TREM1: variants seen among roughly 807,000 people sequenced by gnomAD.
TREM1 encodes the protein triggering receptor expressed on myeloid cells 1.
Under a neutral mutation model 22.4 loss-of-function variants are expected in TREM1, and 16 were observed. The observed-to-expected ratio is 0.71, with a 90% confidence interval of 0.48 to 1.08. The LOEUF (loss-of-function observed/expected upper bound fraction) is 1.08, where lower values mean the gene tolerates loss of function less well. TREM1 is among the 50% of genes least tolerant of loss of function. The probability of loss-of-function intolerance (pLI) is 0.00; values close to 1 mark genes in which losing one functional copy is unlikely to be tolerated. For missense variants in TREM1, 283 were observed against 282.9 expected, an observed-to-expected ratio of 1.00 and a Z score of 0.00; for synonymous variants, 110 against 111.6, an observed-to-expected ratio of 0.99 and a Z score of 0.09.
In TREM1 at chr6:41,274,743, G is replaced by T. The variant is rs1239694795; in HGVS notation, c.*1382C>A. ...AGGTTCTGACAGAGCAGCATTTAGG[G>T]GAATGGGGAAGTCCTTATGCGATGG... On this transcript the variant is annotated 3_prime_UTR_variant, in exon 4 of 4. Transcript: ENST00000244709. Among the ~76,000 whole-genome samples the T allele has an allele frequency of 1.3e-5, 2 of 152,122 alleles. No individual in the cohort carries two copies. Among genetic ancestry groups the T allele is most frequent in the Non-Finnish European group, 2.9e-5 (2 of 68,020 alleles).
rs1767641364 is a variant in TREM1, at chr6:41,275,810, C to A, written c.*315G>T. 8.1e-6 allele frequency: 3 copies of A among 370,206 alleles called. No individual in the cohort carries two copies. The highest frequency in any genetic ancestry group is 5.9e-5 in the East Asian group (1 of 16,890). 22.9% of individuals were successfully genotyped at this position (370,206 alleles called of 1,614,324 possible). On this transcript the variant is annotated 3_prime_UTR_variant, in exon 4 of 4. Transcript: ENST00000244709. ...CAGGTGTGCCTTCTGCATGTCACAG[C>A]CCCCACAAGAGAATTACGGTGAAAA...
downstream of TREM1, among the ~76,000 whole-genome samples, chr6:41,273,516 T>C (rs1581622478): frequency 6.6e-6 from 1 of 152,284 alleles, no homozygotes; most frequent in East Asian, 1.9e-4. Context: ...TTCAAACCCA[T>C]ACATGGTTTT....
chr6:41,268,654 G>A (rs1346536232), downstream of TREM1, among the ~76,000 whole-genome samples: 1 of 152,180 alleles, frequency 6.6e-6, no homozygotes, highest in Non-Finnish European at 1.5e-5. Context: ...AAAGGGTGAG[G>A]CACTTCCCCA....
At chr6:41,279,973 C>A (rs1343288769) in intron 3 of TREM1, 3 of 978,132 alleles carry the variant, frequency 3.1e-6, no homozygotes, top group Non-Finnish European at 3.6e-6. Context: ...TAAGAACAGG[C>A]CAATGGTTAT....
intron 3 of TREM1, among the ~76,000 whole-genome samples, chr6:41,268,564 G>C (rs1019869207): frequency 1.3e-5 from 2 of 152,092 alleles, no homozygotes; most frequent in Admixed American, 1.3e-4. Flanking sequence ...ACTCAATAAA[G>C]ATCAACAAAC....
downstream of TREM1, chr6:41,270,301 C>T (rs1767441681): frequency 6.6e-6 from 1 of 152,356 alleles, no homozygotes. Context: ...AACCTCAGAC[C>T]ACAACACAGA....
chr6:41,280,934 A>AG (rs778899324), intron 3 of TREM1, 27 bp downstream of exon 3: 2 of 1,613,998 alleles, frequency 1.2e-6, no homozygotes, highest in Non-Finnish European at 1.7e-6. Context: ...TGTCCAAACC[A>AG]GGGGCCCAGG....
downstream of TREM1, among the ~76,000 whole-genome samples, chr6:41,271,826 T>G (rs1007062190): frequency 1.3e-5 from 2 of 152,144 alleles, no homozygotes; most frequent in African/African-American, 4.8e-5. Context: ...ATCCCAAAGA[T>G]ATAAGAGGAA....
downstream of TREM1, among the ~76,000 whole-genome samples, chr6:41,270,721 T>C (rs1029707656): frequency 2.6e-5 from 4 of 152,180 alleles, no homozygotes; most frequent in Admixed American, 6.5e-5. Context: ...TTTTTGTCTT[T>C]GTTTTTTGAG....
intron 3 of TREM1, among the ~76,000 whole-genome samples, chr6:41,277,513 A>G (rs1453449627): frequency 5.9e-5 from 9 of 151,720 alleles, no homozygotes; most frequent in Admixed American, 5.9e-4. Flanking sequence ...TGCTCACTGC[A>G]CCTCCTCCCC....
exon 4 of TREM1, chr6:41,267,957 T>C (rs913042196): frequency 5.0e-6 from 2 of 398,540 alleles, no homozygotes; most frequent in Non-Finnish European, 8.8e-6. Flanking sequence ...TTTTCCTTTA[T>C]AACATGAATG....
intron 1 of TREM1, 76 bp from the exon 2 acceptor site, chr6:41,282,827 C>A (rs1767993655): frequency 1.9e-5 from 26 of 1,353,820 alleles, no homozygotes; most frequent in Non-Finnish European, 2.5e-5. Flanking sequence ...GGAGAGGAGC[C>A]CCCTGTTTTT....
intron 3 of TREM1, among the ~76,000 whole-genome samples, chr6:41,276,506 G>A (rs1220401133): frequency 1.3e-5 from 2 of 152,100 alleles, no homozygotes; most frequent in Non-Finnish European, 2.9e-5. Context: ...GATGTGGTAG[G>A]GAGAGAGGAC....
chr6:41,279,806 C>T (rs1767832897), intron 3 of TREM1: 8 of 985,302 alleles, frequency 8.1e-6, no homozygotes, highest in Non-Finnish European at 8.4e-6. Flanking sequence ...AAATTGTTTC[C>T]AATCTTTTGG....
At chr6:41,285,805 T>A (rs1353663399) in intron 1 of TREM1, among the ~76,000 whole-genome samples, 3 of 152,330 alleles carry the variant, frequency 2.0e-5, no homozygotes, top group Non-Finnish European at 4.4e-5. Context: ...CAGAGCAATG[T>A]CTGAGCACAG....
chr6:41,272,826 G>A (rs575116865), downstream of TREM1, among the ~76,000 whole-genome samples: 4 of 152,162 alleles, frequency 2.6e-5, no homozygotes, highest in Admixed American at 6.5e-5. Context: ...TGTGTGTCAG[G>A]TGCTTTACTC....
chr6:41,280,741 G>A, intron 3 of TREM1: 2 of 1,439,630 alleles, frequency 1.4e-6, no homozygotes, highest in African/African-American at 1.4e-5. Context: ...AGGAAACAAA[G>A]AAGGTGAACT....
chr6:41,276,128 G>A lies in TREM1; in HGVS notation c.702C>T (p.Pro234=), dbSNP rs370878011. The change falls in exon 4 of 4, where the codon CCC becomes CCT. Residue 234 remains proline, a synonymous_variant. Coordinates refer to ENST00000244709, the MANE Select transcript of TREM1 (RefSeq NM_018643.5). ...LFAVTLRSFV[P] ...ACATTCTCGTGGGTTCGTGGGCCTA[G>A]GGTACAAATGACCTCAGCGTGACAG... 5.6e-6 allele frequency: 9 copies of A among 1,613,492 alleles called. No homozygotes were observed. The highest frequency in any genetic ancestry group is 1.6e-4 in the Middle Eastern group (1 of 6,082).
At chr6:41,281,288 A>AAT in intron 2 of TREM1, 135 bp from the exon 3 acceptor site, 1 of 1,049,144 alleles carries the variant, frequency 9.5e-7, no homozygotes, top group South Asian at 1.7e-5. Flanking sequence ...CGGTAAATGA[A>AAT]GCTGAGGAGG....
Sources: gnomAD v4.1 joint callset for allele counts (sites outside exome capture counted in the v4.1 genomes callset) on GRCh38, gnomAD v4.1.1 for gene constraint, MANE v1.5 for transcripts, NCBI Gene and HGNC (gene_info 2026-07-23, HGNC 2026-07-21) for gene names.